PGAP1: variants seen among roughly 807,000 people sequenced by gnomAD.
The protein encoded by PGAP1 is GPI inositol-deacylase.
A neutral mutation model predicts 127.0 loss-of-function variants in PGAP1; 76 were observed. The observed-to-expected ratio is 0.60, with a 90% CI of 0.50 to 0.72. The LOEUF is 0.72. PGAP1 is among the 30% of genes least tolerant of loss of function. The pLI is 0.00. For synonymous variants in PGAP1, 362 were observed against 366.5 expected (o/e 0.99, Z 0.14); for missense variants, 982 against 1,071.3 (o/e 0.92, Z 1.16).
chr2:196,873,947 A>G (rs891639994), intron 14 of PGAP1, 189 bp from the exon 15 acceptor site: 2 of 479,462 alleles, frequency 4.2e-6, no homozygotes, highest in Non-Finnish European at 7.4e-6. Context: ...AAATTTTATT[A>G]CTTCCAATCA....
At position 196,846,024 on chromosome 2, in the gene PGAP1, T is replaced by A; in HGVS notation, c.2151-7A>T. ...TTTAGGAAGTTCAGAGGGTCTGGAA[T>A]TATAAGAATAAAGTTTAAAATATAT... On this transcript the variant is annotated splice_polypyrimidine_tract_variant and splice_region_variant and intron_variant, in intron 22 of 26. Transcript: ENST00000354764. The A allele has an allele frequency of 6.5e-7, 1 of 1,539,288 alleles. No homozygotes were observed. The highest frequency in any genetic ancestry group is 8.8e-7 in the Non-Finnish European group (1 of 1,131,426).
At position 196,844,013 on chromosome 2, in the gene PGAP1, G is replaced by A; in HGVS notation, c.2400C>T (p.His800=). ...KSNHHKDSSI[H]HLRLSANDAE... ...CATCGTTGGCAGATAAACGAAGATG[G>A]TGTATTGAGGAGTCTTTATGATGAT... Residue 800 remains histidine (H), a synonymous_variant, in exon 25 of 27, where the codon CAC becomes CAT. Coordinates refer to ENST00000354764, the MANE Select transcript of PGAP1 (RefSeq NM_024989.4). The A allele has an allele frequency of 6.2e-7, 1 of 1,606,778 alleles. No homozygotes were observed. Among genetic ancestry groups the A allele is most frequent in the South Asian group, 1.1e-5 (1 of 90,210 alleles).
At chr2:196,855,095 G>T (rs1302959084) in intron 20 of PGAP1, among the ~76,000 whole-genome samples, 1 of 151,956 alleles carries the variant, frequency 6.6e-6, no homozygotes, top group East Asian at 1.9e-4. Context: ...GGCCAAGGCA[G>T]GTGGATTGCC....
chr2:196,904,298 CA>C (rs930707470), intron 4 of PGAP1, among the ~76,000 whole-genome samples: 15 of 152,162 alleles, frequency 9.9e-5, no homozygotes, highest in African/African-American at 3.1e-4. Flanking sequence ...CTCATGTGCA[CA>C]TGCAAGCTCT....
At position 196,847,044 on chromosome 2, in the gene PGAP1, T is replaced by C; in HGVS notation, c.2109A>G (p.Ala703=). 6.2e-7 allele frequency: 1 copy of C among 1,613,736 alleles called. No homozygotes were observed. Among genetic ancestry groups the C allele is most frequent in the Non-Finnish European group, 8.5e-7 (1 of 1,179,780 alleles). The change falls in exon 22 of 27, where the codon GCA becomes GCG. Residue 703 remains alanine (A), a synonymous_variant. Transcript: ENST00000354764. ...ACAATGAAGAAAGAAGTCTCACAGA[T>C]GCAGAAGACAGTAGGCCACTCCAGT... ...TAYWSGLLSS[A]SVRLLSSLWL...
intron 19 of PGAP1, among the ~76,000 whole-genome samples, chr2:196,870,235 T>A (rs1240072635): frequency 6.6e-6 from 1 of 152,194 alleles, no homozygotes; most frequent in Non-Finnish European, 1.5e-5. Flanking sequence ...AGAGCCTACA[T>A]ATTTTATTGT....
chr2:196,845,299 ACTGT>A (rs1422131222), intron 23 of PGAP1, among the ~76,000 whole-genome samples: 3 of 151,702 alleles, frequency 2.0e-5, no homozygotes, highest in Non-Finnish European at 4.4e-5. Flanking sequence ...TCTGATGTCA[ACTGT>A]CTGTTCCTAA....
chr2:196,854,876 C>T (rs1247849954), intron 20 of PGAP1, among the ~76,000 whole-genome samples: 1 of 152,036 alleles, frequency 6.6e-6, no homozygotes, highest in African/African-American at 2.4e-5. Context: ...CACCTGGGCT[C>T]AAGTGATCCT....
intron 18 of PGAP1, among the ~76,000 whole-genome samples, chr2:196,871,348 A>G (rs1196041872): frequency 1.3e-5 from 2 of 152,206 alleles, no homozygotes; most frequent in Non-Finnish European, 2.9e-5. Context: ...TATCTCTACC[A>G]TAAATACAAC....
chr2:196,862,111 T>C (rs1314331573), intron 20 of PGAP1, among the ~76,000 whole-genome samples: 1 of 152,200 alleles, frequency 6.6e-6, no homozygotes, highest in Non-Finnish European at 1.5e-5. Flanking sequence ...AACAGAGCCA[T>C]ATTTCTCTTC....
chr2:196,868,545 T>C (rs1380899607), intron 19 of PGAP1, among the ~76,000 whole-genome samples: 1 of 152,178 alleles, frequency 6.6e-6, no homozygotes, highest in Non-Finnish European at 1.5e-5. Flanking sequence ...AAATATTTCA[T>C]CTAAAAATTC....
chr2:196,886,705 C>A (rs16824372), intron 10 of PGAP1, among the ~76,000 whole-genome samples: 15,541 of 151,570 alleles, frequency 0.1, 962 homozygotes, highest in African/African-American at 0.17. Context: ...GCAAATAAGT[C>A]CCTTTTTTTT....
intron 19 of PGAP1, among the ~76,000 whole-genome samples, chr2:196,870,299 CTT>C (rs762457188): frequency 9.3e-5 from 13 of 139,730 alleles, no homozygotes; most frequent in Non-Finnish European, 1.6e-4. Context: ...TTCTTTCTTT[CTT>C]TTTTTTTTTT....
At chr2:196,881,409 G>T (rs761514228) in intron 12 of PGAP1, among the ~76,000 whole-genome samples, 1 of 152,074 alleles carries the variant, frequency 6.6e-6, no homozygotes, top group Non-Finnish European at 1.5e-5. Flanking sequence ...AGGTCAAATG[G>T]TATTTCTATT....
Position 196,845,982 on chromosome 2 carries a change from G to A in PGAP1, c.2186C>T (p.Ser729Leu), listed in dbSNP as rs1233627626. The A allele has an allele frequency of 1.2e-6, 2 of 1,602,106 alleles. No individual in the cohort carries two copies. Among genetic ancestry groups the A allele is most frequent in the Non-Finnish European group, 1.7e-6 (2 of 1,171,930 alleles). The change falls in exon 23 of 27, where the codon TCA (serine) becomes TTA (leucine). Residue 729 changes from serine to leucine, a missense_variant. Physicochemically the swap from Ser to Leu is moderately radical, Grantham distance 145. Coordinates refer to ENST00000354764, the MANE Select transcript of PGAP1 (RefSeq NM_024989.4). ...SELPKDIKMI[S>L]PDLPFLTIVL... Reference sequence around the variant, plus strand: ...AATTGTCAAAAAGGGCAAGTCTGGTGATATCATCTTGATATCTTTAGGAAG... The same window carrying A: ...AATTGTCAAAAAGGGCAAGTCTGGTAATATCATCTTGATATCTTTAGGAAG...
At chr2:196,842,683 G>A (rs1700446851) in intron 26 of PGAP1, 38 bp downstream of exon 26, 1 of 1,103,898 alleles carries the variant, frequency 9.1e-7, no homozygotes, top group South Asian at 1.6e-5. Context: ...AAAAGGCCAA[G>A]AACAGATATA....
chr2:196,868,789 CTTTA>C (rs1701321739), intron 19 of PGAP1, among the ~76,000 whole-genome samples: 1 of 152,074 alleles, frequency 6.6e-6, no homozygotes, highest in Non-Finnish European at 1.5e-5. Context: ...TGAAGTTTCT[CTTTA>C]TTTTCTCCAA....
At position 196,844,509 on chromosome 2, in the gene PGAP1, G is replaced by C; in HGVS notation, c.2337+15C>G. The C allele has an allele frequency of 6.4e-7, 1 of 1,561,754 alleles. No homozygotes were observed. Among genetic ancestry groups the C allele is most frequent in the Non-Finnish European group, 8.7e-7 (1 of 1,152,562 alleles). On this transcript the variant is annotated intron_variant, in intron 24 of 26. Transcript: ENST00000354764. ...TCATTTTAAATTTATGTAGAGTTTT[G>C]AAAATAAAACTTACCACAGGCTGGC...
chr2:196,861,778 T>C (rs929193216), intron 20 of PGAP1, among the ~76,000 whole-genome samples: 1 of 152,108 alleles, frequency 6.6e-6, no homozygotes, highest in African/African-American at 2.4e-5. Flanking sequence ...ATTAATACTT[T>C]TATAATTTCT....
Sources: gnomAD v4.1 joint callset for allele counts (sites outside exome capture counted in the v4.1 genomes callset) on GRCh38, gnomAD v4.1.1 for gene constraint, MANE v1.5 for transcripts, NCBI Gene and HGNC (gene_info 2026-07-23, HGNC 2026-07-21) for gene names.